MACROD2: variants seen among roughly 807,000 people sequenced by gnomAD.
MACROD2 encodes the protein ADP-ribose glycohydrolase MACROD2.
In MACROD2, 36 loss-of-function variants were observed where a neutral mutation model predicts 70.4. The ratio of observed to expected loss-of-function variants is 0.51; its 90% CI spans 0.39 to 0.68. MACROD2 has a LOEUF of 0.68. Among genes scored for constraint, MACROD2 ranks in the 30% least tolerant of loss-of-function variants. The pLI, the probability that MACROD2 is intolerant of heterozygous loss-of-function variation, is 0.00. For synonymous variants in MACROD2, 172 were observed against 178.8 expected (o/e 0.96, Z 0.30); for missense variants, 496 against 538.4 (o/e 0.92, Z 0.78).
At chr20:14,034,128 C>A (rs1361929329) in intron 2 of MACROD2, among the ~76,000 whole-genome samples, 3 of 151,548 alleles carry the variant, frequency 2.0e-5, no homozygotes, top group Non-Finnish European at 2.9e-5. Context: ...CCCGCCACCA[C>A]ACCAGGCTAA....
chr20:15,242,917 G>T (rs970731317), intron 6 of MACROD2, among the ~76,000 whole-genome samples: 44 of 152,284 alleles, frequency 2.9e-4, no homozygotes, highest in African/African-American at 1.1e-3. Flanking sequence ...AAGGGAAGAA[G>T]GAAACAGAAT....
intron 6 of MACROD2, among the ~76,000 whole-genome samples, chr20:15,307,214 A>G (rs1209396738): frequency 6.6e-6 from 1 of 152,128 alleles, no homozygotes; most frequent in Non-Finnish European, 1.5e-5. Flanking sequence ...GAACAAATTT[A>G]TGCTTGTTGC....
At chr20:15,623,527 A>G (rs2146734788) in intron 8 of MACROD2, among the ~76,000 whole-genome samples, 1 of 152,294 alleles carries the variant, frequency 6.6e-6, no homozygotes, top group Admixed American at 6.5e-5. Context: ...ATTCATTCTC[A>G]GAGGCACAGA....
chr20:15,165,598 T>C (rs2076378280), intron 5 of MACROD2, among the ~76,000 whole-genome samples: 1 of 152,244 alleles, frequency 6.6e-6, no homozygotes, highest in South Asian at 2.1e-4. Flanking sequence ...ATTAATTCAG[T>C]AGTACAAAAA....
intron 8 of MACROD2, among the ~76,000 whole-genome samples, chr20:15,528,655 C>T (rs774399755): frequency 2.3e-4 from 35 of 152,062 alleles, no homozygotes; most frequent in Non-Finnish European, 4.1e-4. Context: ...ATCTCCTGAC[C>T]ACACACTTCT....
At chr20:15,750,876 AAAC>A (rs1483177389) in intron 8 of MACROD2, among the ~76,000 whole-genome samples, 1 of 152,036 alleles carries the variant, frequency 6.6e-6, no homozygotes, top group Non-Finnish European at 1.5e-5. Flanking sequence ...AATCTAAAAA[AAAC>A]AAAAAACGAC....
At chr20:15,307,437 C>T (rs1392284650) in intron 6 of MACROD2, among the ~76,000 whole-genome samples, 1 of 152,164 alleles carries the variant, frequency 6.6e-6, no homozygotes, top group Non-Finnish European at 1.5e-5. Flanking sequence ...CACACAGAAT[C>T]CTCAAGTGTT....
At position 14,374,863 on chromosome 20, in the gene MACROD2, G is replaced by A. The variant is rs553328319; in HGVS notation, c.272-118616G>A. 7.9e-5 allele frequency among the ~76,000 whole-genome samples: 12 copies of A among 152,176 alleles called. No individual in the cohort carries two copies. In the South Asian group the frequency reaches 1.0e-3, roughly 13 times the overall value. ...TTGATTAGGAGTTTTTGCTTTTTGC[G>A]TGTGTGAATGGCACATCTCTTTTCT... On this transcript the variant is annotated intron_variant, in intron 3 of 17. Transcript: ENST00000684519.
At chr20:15,771,880 C>G (rs1273262900) in intron 8 of MACROD2, among the ~76,000 whole-genome samples, 1 of 134,692 alleles carries the variant, frequency 7.4e-6, no homozygotes, top group Non-Finnish European at 1.5e-5. Flanking sequence ...GTCGGGAGAT[C>G]AAGACCATCC....
At chr20:14,664,830 A>G (rs1259069988) in intron 4 of MACROD2, among the ~76,000 whole-genome samples, 3 of 152,172 alleles carry the variant, frequency 2.0e-5, no homozygotes, top group Non-Finnish European at 4.4e-5. Flanking sequence ...ACTGAGGCCC[A>G]AAAGAGCTAA....
intron 8 of MACROD2, among the ~76,000 whole-genome samples, chr20:15,533,388 T>C (rs1268788477): frequency 6.6e-6 from 1 of 152,204 alleles, no homozygotes; most frequent in Non-Finnish European, 1.5e-5. Context: ...ACAGATGCTT[T>C]CTACCGTAAT....
intron 10 of MACROD2, among the ~76,000 whole-genome samples, chr20:15,930,838 C>T (rs1234914986): frequency 6.6e-6 from 1 of 152,202 alleles, no homozygotes; most frequent in Non-Finnish European, 1.5e-5. Context: ...AGGGTCTGAC[C>T]ATGGATTTCC....
At chr20:14,204,685 T>A (rs1345203930) in intron 3 of MACROD2, among the ~76,000 whole-genome samples, 1 of 152,216 alleles carries the variant, frequency 6.6e-6, no homozygotes, top group Non-Finnish European at 1.5e-5. Flanking sequence ...CCAGGCCAGC[T>A]GTTTCACATC....
intron 6 of MACROD2, among the ~76,000 whole-genome samples, chr20:15,262,753 A>G (rs2077260240): frequency 6.6e-6 from 1 of 152,044 alleles, no homozygotes; most frequent in South Asian, 2.1e-4. Flanking sequence ...AACTGGGATA[A>G]GATAATATCT....
chr20:14,588,105 A>G (rs1026313341), intron 4 of MACROD2, among the ~76,000 whole-genome samples: 7 of 152,122 alleles, frequency 4.6e-5, no homozygotes, highest in African/African-American at 1.7e-4. Context: ...TAGGAACAGT[A>G]AATAACGGGA....
intron 2 of MACROD2, among the ~76,000 whole-genome samples, chr20:14,009,686 A>G (rs140142123): frequency 5.9e-5 from 9 of 152,342 alleles, no homozygotes; most frequent in African/African-American, 1.4e-4. Flanking sequence ...TCATTACAGC[A>G]CTGTTCACAA....
intron 9 of MACROD2, among the ~76,000 whole-genome samples, chr20:15,869,509 C>T (rs1245953302): frequency 1.3e-5 from 2 of 151,692 alleles, no homozygotes; most frequent in Non-Finnish European, 2.9e-5. Flanking sequence ...ATATTTGGGA[C>T]ATCTATCTGG....
intron 3 of MACROD2, among the ~76,000 whole-genome samples, chr20:14,187,139 G>GAAAAAAAAAAAA (rs71335951): frequency 8.9e-6 from 1 of 112,974 alleles, no homozygotes. Flanking sequence ...TTTAAAAAAG[G>GAAAAAAAAAAAA]AAAAAAAAAA....
In MACROD2 at chr20:15,507,983, G is replaced by T. The variant is rs868047062; in HGVS notation, c.645+8136G>T. 2.6e-5 allele frequency among the ~76,000 whole-genome samples: 4 copies of T among 152,306 alleles called. No homozygotes were observed. The South Asian group carries it at 8.3e-4, about 32-fold the overall frequency. The stretch of plus-strand genomic sequence containing the variant: ...TACACACTTTTAGGCGTTGAGCTGA[G>T]CTTGCCCAAATGCCCTGTCACCCAT... On this transcript the variant is annotated intron_variant, in intron 8 of 17. Coordinates refer to ENST00000684519, the MANE Select transcript of MACROD2 (RefSeq NM_001351661.2).
Sources: gnomAD v4.1 joint callset for allele counts (sites outside exome capture counted in the v4.1 genomes callset) on GRCh38, gnomAD v4.1.1 for gene constraint, MANE v1.5 for transcripts, NCBI Gene and HGNC (gene_info 2026-07-23, HGNC 2026-07-21) for gene names.